ANO5: variants seen among roughly 807,000 people sequenced by gnomAD.
The protein encoded by ANO5 is anoctamin-5.
ANO5 carries 109 observed loss-of-function variants against 121.0 expected under a neutral mutation model. The ratio of observed to expected loss-of-function variants is 0.90; its 90% CI spans 0.77 to 1.06. The LOEUF is 1.06. ANO5 is among the 50% of genes least tolerant of loss of function. The pLI is 0.00. For missense variants in ANO5, 1,064 were observed against 1,078.5 expected, an observed-to-expected ratio of 0.99 and a Z score of 0.19; for synonymous variants, 406 against 359.9, an observed-to-expected ratio of 1.13 and a Z score of -1.45.
chr11:22,203,339 C>T (rs1281481414), intron 1 of ANO5, among the ~76,000 whole-genome samples: 1 of 152,082 alleles, frequency 6.6e-6, no homozygotes, highest in Non-Finnish European at 1.5e-5. Flanking sequence ...ACGGAGCTAT[C>T]TGTATGTCGG....
chr11:22,251,146 T>C (rs1245371881), intron 12 of ANO5, 135 bp downstream of exon 12: 10 of 914,450 alleles, frequency 1.1e-5, no homozygotes, highest in Admixed American at 4.0e-5. Context: ...TTAGCATTAA[T>C]ATACTGATGG....
chr11:22,202,441 A>G (rs1851992588), intron 1 of ANO5, among the ~76,000 whole-genome samples: 1 of 125,732 alleles, frequency 8.0e-6, no homozygotes, highest in South Asian at 3.0e-4. Flanking sequence ...AAAAAGCTAT[A>G]CAAATGGTAG....
chr11:22,211,260 T>A lies in ANO5; in HGVS notation c.88-4T>A. On this transcript the variant is annotated splice_polypyrimidine_tract_variant and splice_region_variant and intron_variant, in intron 2 of 21. Coordinates refer to ENST00000324559, the MANE Select transcript of ANO5 (RefSeq NM_213599.3). Reference sequence around the variant, plus strand: ...AGCATTATATCTTCCCCTGGTACTGTTAGCAGAGCCTGAGCAGCAGAGAGA... The same window carrying A: ...AGCATTATATCTTCCCCTGGTACTGATAGCAGAGCCTGAGCAGCAGAGAGA... 6.2e-7 allele frequency: 1 copy of A among 1,611,988 alleles called. No individual in the cohort carries two copies. Among genetic ancestry groups the A allele is most frequent in the Non-Finnish European group, 8.5e-7 (1 of 1,178,510 alleles).
At chr11:22,267,621 C>CT (rs202229854) in intron 17 of ANO5, among the ~76,000 whole-genome samples, 66 of 60,308 alleles carry the variant, frequency 1.1e-3, no homozygotes, top group Admixed American at 4.1e-3. Flanking sequence ...CAATCTCTCT[C>CT]TTTTTTTTTA....
At position 22,193,343 on chromosome 11, in the gene ANO5, A is replaced by C. The variant is rs1480600662; in HGVS notation, c.-150A>C. ...CGAGGAGGAGGAGAAGGAGGCCTGC[A>C]GAAGGAAGAGCAGGCCCTTAGAAGT... On this transcript the variant is annotated 5_prime_UTR_variant, in exon 1 of 22. Coordinates refer to ENST00000324559, the MANE Select transcript of ANO5 (RefSeq NM_213599.3). 6.7e-7 allele frequency: 1 copy of C among 1,503,530 alleles called. No homozygotes were observed. Among genetic ancestry groups the C allele is most frequent in the East Asian group, 2.5e-5 (1 of 40,194 alleles). 93.1% of individuals were successfully genotyped at this position (1,503,530 alleles called of 1,614,324 possible).
At chr11:22,250,886 T>G (rs1853792864) in intron 11 of ANO5, 40 bp downstream of exon 11, 1 of 1,609,946 alleles carries the variant, frequency 6.2e-7, no homozygotes, top group Non-Finnish European at 8.5e-7. Context: ...ACTTGGAATT[T>G]TCCTCCTTTT....
At chr11:22,260,636 G>GA (rs535067496) in intron 15 of ANO5, among the ~76,000 whole-genome samples, 1 of 151,688 alleles carries the variant, frequency 6.6e-6, no homozygotes, top group Non-Finnish European at 1.5e-5. Flanking sequence ...TCCTCAATGG[G>GA]AAAAAAAATC....
intron 2 of ANO5, among the ~76,000 whole-genome samples, chr11:22,206,699 G>T (rs1852133055): frequency 6.6e-6 from 1 of 151,952 alleles, no homozygotes; most frequent in South Asian, 2.1e-4. Flanking sequence ...AAAAAATATT[G>T]TCAAAATTTA....
chr11:22,238,800 G>T (rs531198418), intron 8 of ANO5, among the ~76,000 whole-genome samples: 3 of 151,906 alleles, frequency 2.0e-5, no homozygotes, highest in Admixed American at 6.6e-5. Flanking sequence ...GTGCAGGTTA[G>T]TTACATATGT....
At chr11:22,208,262 G>A (rs886159386) in intron 2 of ANO5, among the ~76,000 whole-genome samples, 4 of 152,138 alleles carry the variant, frequency 2.6e-5, no homozygotes, top group African/African-American at 4.8e-5. Context: ...TGTAGTAGCC[G>A]AAAGTGGAAA....
At position 22,250,847 on chromosome 11, in the gene ANO5, G is replaced by T. The variant is rs762946781; in HGVS notation, c.1119+1G>T. 5.6e-6 allele frequency: 9 copies of T among 1,613,330 alleles called. No homozygotes were observed. The highest frequency in any genetic ancestry group is 5.1e-6 in the Non-Finnish European group (6 of 1,179,348). ...AAATAGTACGTGTTTGGCTTCAAAG[G>T]TATGTATGCATTGTAACATGTTGAA... is the stretch of plus-strand genomic sequence containing the variant. On this transcript the variant is annotated splice_donor_variant, in intron 11 of 21. Coordinates refer to ENST00000324559, the MANE Select transcript of ANO5 (RefSeq NM_213599.3). LOFTEE classifies it high-confidence loss of function.
chr11:22,200,084 A>C (rs997200361), intron 1 of ANO5, among the ~76,000 whole-genome samples: 1 of 152,146 alleles, frequency 6.6e-6, no homozygotes, highest in African/African-American at 2.4e-5. Flanking sequence ...ATGCTGACAT[A>C]TTTCATTTTA....
chr11:22,265,183 C>T (rs1854319400), intron 17 of ANO5, among the ~76,000 whole-genome samples: 1 of 151,880 alleles, frequency 6.6e-6, no homozygotes, highest in Non-Finnish European at 1.5e-5. Context: ...TACAGAACAC[C>T]AAAGATAAAC....
Position 22,264,412 on chromosome 11 carries a change from G to A in ANO5, c.1898+1369G>A, listed in dbSNP as rs545925889. 6.6e-5 allele frequency among the ~76,000 whole-genome samples: 10 copies of A among 151,252 alleles called. No homozygotes were observed. The South Asian group carries it at 1.9e-3, about 28-fold the overall frequency. On this transcript the variant is annotated intron_variant, in intron 17 of 21. Transcript: ENST00000324559. ...TACCTAAACCAAACAGAAGATGGGG[G>A]ATACATATACACAGAGAGGGAGAGA... is the stretch of plus-strand genomic sequence containing the variant.
chr11:22,273,140 GA>G (rs2133789664), intron 19 of ANO5, 151 bp downstream of exon 19: 1 of 823,650 alleles, frequency 1.2e-6, no homozygotes, highest in East Asian at 2.6e-5. Context: ...AACCAATATA[GA>G]AAAACCTATG....
At chr11:22,193,643 AG>A in intron 1 of ANO5, 111 bp downstream of exon 1, 1 of 1,363,234 alleles carries the variant, frequency 7.3e-7, no homozygotes, top group Non-Finnish European at 1.0e-6. Flanking sequence ...CCTGAGTCCT[AG>A]GGAGGTTCGC....
rs78553868 is a variant in ANO5 at position 22,243,044 on chromosome 11, A to G, written c.878+3360A>G. On this transcript the variant is annotated intron_variant, in intron 9 of 21. Coordinates refer to ENST00000324559, the MANE Select transcript of ANO5 (RefSeq NM_213599.3). ...ATGATGTTGGTTGTGGGTTTATCATAGATGGCTCTTATTATTTTGAGGTAT... is the reference window on the plus strand; with the variant it reads ...ATGATGTTGGTTGTGGGTTTATCATGGATGGCTCTTATTATTTTGAGGTAT... Among the ~76,000 whole-genome samples, 2,035 of 152,188 alleles carry G rather than the reference A, an allele frequency of 0.013. 145 individuals carry two copies. In the East Asian group the frequency reaches 0.21, roughly 16 times the overall value.
chr11:22,282,078 T>C lies in ANO5; in HGVS notation c.*2313T>C, dbSNP rs938103642. ...GATGTGTCTCATCTAATTAAACCCA[T>C]TGGTTTTTATGGGAGGGCTGCATTA... is the stretch of plus-strand genomic sequence containing the variant. On this transcript the variant is annotated 3_prime_UTR_variant, in exon 22 of 22. Coordinates refer to ENST00000324559, the MANE Select transcript of ANO5 (RefSeq NM_213599.3). 6.6e-5 allele frequency: 10 copies of C among 152,218 alleles called. No homozygotes were observed. In the East Asian group the frequency reaches 1.5e-3, roughly 23 times the overall value. The allele number at this position is 152,218 out of a possible 1,614,324, so 9.4% of individuals were successfully genotyped here.
rs1296722355 is a variant in ANO5 at position 22,281,740 on chromosome 11, A to G, written c.*1975A>G. ...ATTCATAGAGGTAGACTGTATGATA[A>G]ATAAAAACAAATTTAATTCACAAAG... is the stretch of plus-strand genomic sequence containing the variant. On this transcript the variant is annotated 3_prime_UTR_variant, in exon 22 of 22. Transcript: ENST00000324559. The G allele has an allele frequency of 6.6e-6, 1 of 150,400 alleles. No homozygotes were observed. The highest frequency in any genetic ancestry group is 1.5e-5 in the Non-Finnish European group (1 of 67,952). The allele number at this position is 150,400 out of a possible 1,614,324, so 9.3% of individuals were successfully genotyped here. A position where few individuals can be genotyped will look rare whatever the true frequency, so the allele number is the denominator to read the frequency against.
Sources: gnomAD v4.1 joint callset for allele counts (sites outside exome capture counted in the v4.1 genomes callset) on GRCh38, gnomAD v4.1.1 for gene constraint, MANE v1.5 for transcripts, NCBI Gene and HGNC (gene_info 2026-07-23, HGNC 2026-07-21) for gene names.